The following NKTR variants were observed in gnomAD, a reference collection of about 807,000 sequenced individuals.
The protein encoded by NKTR is NK-tumor recognition protein.
Under a neutral mutation model 156.3 loss-of-function variants are expected in NKTR, and 67 were observed. That is an observed-to-expected ratio of 0.43 (90% CI 0.35 to 0.53). The LOEUF (loss-of-function observed/expected upper bound fraction) is 0.53. NKTR is among the 20% of genes least tolerant of loss of function. The pLI, the probability that NKTR is intolerant of heterozygous loss-of-function variation, is 0.01. For synonymous variants in NKTR, 640 were observed against 596.6 expected (o/e 1.07, Z -1.06); for missense variants, 1,604 against 1,730.9 (o/e 0.93, Z 1.30).
intron 5 of NKTR, 183 bp from the exon 6 acceptor site, chr3:42,621,246 C>A: frequency 7.8e-7 from 1 of 1,285,758 alleles, no homozygotes; most frequent in South Asian, 2.1e-5. Flanking sequence ...TAATTAGTAT[C>A]TTTTGGCCTT....
Position 42,646,942 on chromosome 3 carries a change from A to C in NKTR, c.*967A>C, listed in dbSNP as rs562899568. On this transcript the variant is annotated 3_prime_UTR_variant, in exon 17 of 17. Transcript: ENST00000232978. ...GGCAGTAAGAGATATTGGCCACTCA[A>C]GTCTACTGTGTGTGTGTGCCTCTGG... 1 of 152,218 alleles carries C rather than the reference A, an allele frequency of 6.6e-6. No homozygotes were observed. Among genetic ancestry groups the C allele is most frequent in the Non-Finnish European group, 1.5e-5 (1 of 68,048 alleles). 9.4% of individuals were successfully genotyped at this position (152,218 alleles called of 1,614,324 possible).
intron 1 of NKTR, 87 bp downstream of exon 1, chr3:42,600,865 G>T: frequency 1.7e-6 from 1 of 583,966 alleles, no homozygotes; most frequent in Non-Finnish European, 2.7e-6. Flanking sequence ...CTCCTGCGCT[G>T]TCGCGACGGG....
In NKTR at chr3:42,648,594, T is replaced by C. The variant is rs949162003; in HGVS notation, c.*2619T>C. On this transcript the variant is annotated 3_prime_UTR_variant, in exon 17 of 17. Transcript: ENST00000232978. ...GACTGTTTTTGTAACATCCTGTTTA[T>C]TGCAAATAGCTAGTATCGTTCAAAA... 6.5e-6 allele frequency: 1 copy of C among 152,690 alleles called. No individual in the cohort carries two copies. Among genetic ancestry groups the C allele is most frequent in the Admixed American group, 6.5e-5 (1 of 15,288 alleles). 9.5% of individuals were successfully genotyped at this position (152,690 alleles called of 1,614,324 possible).
intron 6 of NKTR, 179 bp from the exon 7 acceptor site, chr3:42,630,367 G>A: frequency 7.1e-7 from 1 of 1,405,778 alleles, no homozygotes; most frequent in Non-Finnish European, 9.2e-7. Context: ...AAATTAGTAA[G>A]ATGGCTACTA....
At chr3:42,611,755 G>A (rs1706841114) in intron 2 of NKTR, among the ~76,000 whole-genome samples, 1 of 149,338 alleles carries the variant, frequency 6.7e-6, no homozygotes, top group Admixed American at 6.7e-5. Context: ...AAAAATGTAT[G>A]CCTAAACCCT....
At chr3:42,620,008 G>C in intron 5 of NKTR, 1 of 1,533,786 alleles carries the variant, frequency 6.5e-7, no homozygotes. Flanking sequence ...ATATTCTTTT[G>C]TTTATAGAGA....
At position 42,639,234 on chromosome 3, in the gene NKTR, A is replaced by G. The variant is rs752347774; in HGVS notation, c.3530A>G (p.Lys1177Arg). The change falls in exon 13 of 17, where the codon AAA becomes AGA. Residue 1177 changes from lysine to arginine, a missense_variant. Physicochemically the swap from Lys to Arg is conservative, Grantham distance 26. Transcript: ENST00000232978. ...GAACATCCTCAAGCAGAGGTAGTAA[A>G]ACAGGAAAGCAGCATGTCCGAAAGT... ...ATEHPQAEVVKQESSMSESKV... is the reference protein window; with the variant it reads ...ATEHPQAEVVRQESSMSESKV... 6.2e-7 allele frequency: 1 copy of G among 1,614,194 alleles called. No homozygotes were observed. The highest frequency in any genetic ancestry group is 8.5e-7 in the Non-Finnish European group (1 of 1,180,034).
intron 5 of NKTR, chr3:42,620,418 A>G: frequency 9.9e-7 from 1 of 1,006,622 alleles, no homozygotes; most frequent in African/African-American, 1.7e-5. Flanking sequence ...TGCCCCAAAA[A>G]GCCTTAGAAA....
At chr3:42,631,444 CA>C in intron 8 of NKTR, 128 bp downstream of exon 8, 2 of 1,038,792 alleles carry the variant, frequency 1.9e-6, no homozygotes, top group Non-Finnish European at 2.7e-6. Context: ...TCATACCCTA[CA>C]TGTTTAATCT....
In NKTR at chr3:42,639,667, T is replaced by C; in HGVS notation, c.3963T>C (p.Ser1321=). ...GTCCAAGTAGATCTCGAAGTAAATCTGAAACCAAATCAAGACACAGAACAA... is the reference window on the plus strand; with the variant it reads ...GTCCAAGTAGATCTCGAAGTAAATCCGAAACCAAATCAAGACACAGAACAA... ...SRSPSRSRSK[S]ETKSRHRTRS... The change falls in exon 13 of 17, where the codon TCT becomes TCC. Residue 1321 remains serine (S), a synonymous_variant. Coordinates refer to ENST00000232978, the MANE Select transcript of NKTR (RefSeq NM_005385.4). The C allele has an allele frequency of 1.2e-6, 2 of 1,614,050 alleles. No homozygotes were observed. Among genetic ancestry groups the C allele is most frequent in the Non-Finnish European group, 1.7e-6 (2 of 1,179,950 alleles).
At chr3:42,616,729 G>A (rs1707404415) in intron 2 of NKTR, among the ~76,000 whole-genome samples, 4 of 152,072 alleles carry the variant, frequency 2.6e-5, no homozygotes, top group Admixed American at 2.6e-4. Flanking sequence ...TTCTCTTTCT[G>A]CTCTCTCAGG....
In NKTR at chr3:42,637,913, C is replaced by A. The variant is rs768814636; in HGVS notation, c.2209C>A (p.Gln737Lys). Residue 737 changes from glutamine (Q) to lysine (K), a missense_variant, in exon 13 of 17, where the codon CAG (glutamine) becomes AAG (lysine). Around this residue, in one of 6 missense-constraint regions of NKTR, gnomAD observed 1,255 missense variants for 1,243.7 expected, o/e 1.01. Transcript: ENST00000232978. ...ACGAAATAAATACAGTGATCATTCA[C>A]AGTGTAGTAGATCATCTTCATATAC... is the stretch of plus-strand genomic sequence containing the variant. The part of the protein sequence containing the change: ...HSRNKYSDHS[Q>K]CSRSSSYTSI... 1.8e-5 allele frequency: 29 copies of A among 1,613,916 alleles called. No homozygotes were observed. In the East Asian group the frequency reaches 6.2e-4, roughly 35 times the overall value.
chr3:42,617,862 G>A (rs763446220), intron 3 of NKTR, among the ~76,000 whole-genome samples: 13 of 151,840 alleles, frequency 8.6e-5, no homozygotes, highest in Admixed American at 4.6e-4. Context: ...GAAAAAGAGA[G>A]TAAGAATCTA....
At chr3:42,643,085 C>A (rs1251391822) in intron 14 of NKTR, among the ~76,000 whole-genome samples, 1 of 152,152 alleles carries the variant, frequency 6.6e-6, no homozygotes, top group Admixed American at 6.5e-5. Context: ...AGACCTTTCC[C>A]CTAACTCCAC....
chr3:42,638,567 A>G lies in NKTR; in HGVS notation c.2863A>G (p.Thr955Ala). 2 of 1,614,102 alleles carry G rather than the reference A, an allele frequency of 1.2e-6. No homozygotes were observed. Among genetic ancestry groups the G allele is most frequent in the African/African-American group, 1.3e-5 (1 of 75,038 alleles). ...NGAWKSSKQR[T>A]STSDSEGSCS... ...TGCTTGGAAATCAAGCAAACAGCGC[A>G]CATCAACTTCTGACTCTGAGGGGTC... Residue 955 changes from threonine (T) to alanine (A), a missense_variant, in exon 13 of 17, where the codon ACA becomes GCA. Around this residue, in one of 6 missense-constraint regions of NKTR, gnomAD observed 1,255 missense variants for 1,243.7 expected, o/e 1.01. Transcript: ENST00000232978.
intron 6 of NKTR, chr3:42,627,781 A>C (rs1559570943): frequency 1.0e-6 from 1 of 983,178 alleles, no homozygotes. Flanking sequence ...TTTCATAAGC[A>C]TATATAAATT....
Position 42,639,616 on chromosome 3 carries a change from T to A in NKTR, c.3912T>A (p.Ser1304Arg). Residue 1304 changes from serine (S) to arginine (R), a missense_variant, in exon 13 of 17, where the codon AGT becomes AGA. Physicochemically the swap from Ser to Arg is moderately radical, Grantham distance 110. Transcript: ENST00000232978. Reference sequence around the variant, plus strand: ...GTTCAAGTGATGAGCAGACGCCTAGTCGGGATGATGATAGCCAGTCCAGGA... The same window carrying A: ...GTTCAAGTGATGAGCAGACGCCTAGACGGGATGATGATAGCCAGTCCAGGA... ...QESSSDEQTP[S>R]RDDDSQSRSP... The A allele has an allele frequency of 4.3e-6, 7 of 1,614,132 alleles. No individual in the cohort carries two copies. The highest frequency in any genetic ancestry group is 5.9e-6 in the Non-Finnish European group (7 of 1,180,002).
Position 42,633,725 on chromosome 3 carries a change from G to A in NKTR, c.919G>A (p.Glu307Lys). The change falls in exon 10 of 17, where the codon GAA becomes AAA. Residue 307 changes from glutamate (E) to lysine (K), a missense_variant. Coordinates refer to ENST00000232978, the MANE Select transcript of NKTR (RefSeq NM_005385.4). ...AAGAGATATGCCTGTTGTTACTGCA[G>A]AACCTGAACCGTAAGTAGGATGACT... is the stretch of plus-strand genomic sequence containing the variant. ...LRRDMPVVTA[E>K]PEPKIPDVAP... 1 of 1,614,002 alleles carries A rather than the reference G, an allele frequency of 6.2e-7. No individual in the cohort carries two copies.
At position 42,638,811 on chromosome 3, in the gene NKTR, C is replaced by T. The variant is rs142304271; in HGVS notation, c.3107C>T (p.Thr1036Ile). ...GAGGAGATTGATGACAAGCAAGTTA[C>T]TCAGGAATCAAAAGAGAAAAAAGTT... ...EEEEIDDKQV[T>I]QESKEKKVSE... Residue 1036 changes from threonine to isoleucine, a missense_variant, in exon 13 of 17, where the codon ACT becomes ATT. Physicochemically the swap from Thr to Ile is moderately conservative, Grantham distance 89. Transcript: ENST00000232978. 5 of 1,608,006 alleles carry T rather than the reference C, an allele frequency of 3.1e-6. No individual in the cohort carries two copies. In the African/African-American group the frequency reaches 6.7e-5, roughly 22 times the overall value.
Sources: gnomAD v4.1 joint callset for allele counts (sites outside exome capture counted in the v4.1 genomes callset) on GRCh38, gnomAD v4.1.1 for gene constraint, gnomAD v4.1.1 regional missense constraint, MANE v1.5 for transcripts, NCBI Gene and HGNC (gene_info 2026-07-23, HGNC 2026-07-21) for gene names.